ARSG: variants seen among roughly 807,000 people sequenced by gnomAD.
The protein encoded by ARSG is arylsulfatase G.
Under a neutral mutation model 50.5 loss-of-function variants are expected in ARSG, and 37 were observed. The ratio of observed to expected loss-of-function variants is 0.73; its 90% CI spans 0.56 to 0.96. The LOEUF is 0.96. Ranked by LOEUF, ARSG falls within the 50% of genes least tolerant of loss-of-function variation. The pLI is 0.00. For missense variants in ARSG, 629 were observed against 675.3 expected, an observed-to-expected ratio of 0.93 and a Z score of 0.76; for synonymous variants, 225 against 254.6, an observed-to-expected ratio of 0.88 and a Z score of 1.11.
At chr17:68,296,550 C>T (rs782684089) in intron 1 of ARSG, among the ~76,000 whole-genome samples, 3 of 148,126 alleles carry the variant, frequency 2.0e-5, no homozygotes, top group Admixed American at 1.3e-4. Context: ...GGAGGGGCCC[C>T]GCCCTGCTGT....
chr17:68,420,103 A>C, intron 11 of ARSG, 86 bp from the exon 12 acceptor site: 1 of 1,455,268 alleles, frequency 6.9e-7, no homozygotes. Flanking sequence ...TGTTTGAATT[A>C]ATGTAGAATC....
At chr17:68,312,362 G>A (rs2076895772) in intron 2 of ARSG, among the ~76,000 whole-genome samples, 1 of 152,218 alleles carries the variant, frequency 6.6e-6, no homozygotes. Flanking sequence ...CTTTTCTGGG[G>A]AGAGAGTTCA....
At chr17:68,352,101 GA>G (rs2078801384) in intron 5 of ARSG, among the ~76,000 whole-genome samples, 2 of 129,912 alleles carry the variant, frequency 1.5e-5, no homozygotes, top group Admixed American at 8.4e-5. Flanking sequence ...GAGAGAGAGA[GA>G]GAGAGAGAGA....
downstream of ARSG, among the ~76,000 whole-genome samples, chr17:68,426,777 C>T (rs751184075): frequency 2.0e-5 from 3 of 152,186 alleles, no homozygotes; most frequent in African/African-American, 4.8e-5. Context: ...TCCAGTGATC[C>T]GCTGGCCTCA....
At chr17:68,299,577 G>C (rs1370175443) in intron 1 of ARSG, among the ~76,000 whole-genome samples, 1 of 151,826 alleles carries the variant, frequency 6.6e-6, no homozygotes, top group Non-Finnish European at 1.5e-5. Context: ...TTTCAATAGA[G>C]GATACAATCA....
In ARSG at chr17:68,420,508, C is replaced by G; in HGVS notation, c.*45C>G. On this transcript the variant is annotated 3_prime_UTR_variant, in exon 12 of 12. Coordinates refer to ENST00000621439, the MANE Select transcript of ARSG (RefSeq NM_001267727.2). The stretch of plus-strand genomic sequence containing the variant: ...CGAGGAGGAGTACCTGGAAATTAGG[C>G]AAGTTTGCTTCCAAATTTCATTTTT... The G allele has an allele frequency of 7.6e-6, 12 of 1,581,516 alleles. No individual in the cohort carries two copies. Among genetic ancestry groups the G allele is most frequent in the Non-Finnish European group, 1.0e-5 (12 of 1,158,418 alleles).
intron 2 of ARSG, among the ~76,000 whole-genome samples, chr17:68,317,611 C>T (rs1555769005): frequency 6.6e-6 from 1 of 152,102 alleles, no homozygotes; most frequent in African/African-American, 2.4e-5. Flanking sequence ...TCGCACATGT[C>T]AGTAGGTTAA....
chr17:68,300,824 A>G (rs1033966075), intron 1 of ARSG, among the ~76,000 whole-genome samples: 18 of 151,830 alleles, frequency 1.2e-4, no homozygotes, highest in African/African-American at 4.1e-4. Context: ...ATATTGCCCG[A>G]AACAGTGTCT....
chr17:68,286,546 CT>C (rs2145177214), upstream of ARSG, among the ~76,000 whole-genome samples: 1 of 152,246 alleles, frequency 6.6e-6, no homozygotes, highest in East Asian at 1.9e-4. Flanking sequence ...GCTATGTCAC[CT>C]AGGCTGAAGT....
chr17:68,334,765 G>C (rs1040341464), intron 2 of ARSG, among the ~76,000 whole-genome samples: 6 of 152,094 alleles, frequency 3.9e-5, no homozygotes, highest in African/African-American at 1.4e-4. Context: ...GCAACGTGAT[G>C]GTCTCTGGGT....
intron 1 of ARSG, among the ~76,000 whole-genome samples, chr17:68,278,617 C>CTTTT (rs56870988): frequency 2.7e-5 from 3 of 111,980 alleles, no homozygotes; most frequent in African/African-American, 7.5e-5. Flanking sequence ...TTTCTTTTTC[C>CTTTT]TTTTTTTTTT....
chr17:68,344,741 T>C (rs2078430263), intron 3 of ARSG, among the ~76,000 whole-genome samples: 1 of 152,194 alleles, frequency 6.6e-6, no homozygotes, highest in Non-Finnish European at 1.5e-5. Context: ...AGTCTAACTC[T>C]CAAAGAGCTG....
At chr17:68,280,720 TG>T (rs1325982730) in intron 1 of ARSG, among the ~76,000 whole-genome samples, 1 of 152,176 alleles carries the variant, frequency 6.6e-6, no homozygotes, top group Non-Finnish European at 1.5e-5. Flanking sequence ...TTAGGACATT[TG>T]TCTGAGGAAA....
At chr17:68,392,518 G>C (rs1417821355) in intron 9 of ARSG, among the ~76,000 whole-genome samples, 2 of 151,820 alleles carry the variant, frequency 1.3e-5, no homozygotes, top group Non-Finnish European at 2.9e-5. Context: ...TTTATTTTTG[G>C]AGACAGAGTC....
chr17:68,402,281 G>C (rs1343025306), intron 11 of ARSG, among the ~76,000 whole-genome samples: 1 of 152,060 alleles, frequency 6.6e-6, no homozygotes, highest in African/African-American at 2.4e-5. Context: ...GTCTCGCTCT[G>C]TCGCCCAGGA....
At chr17:68,289,920 T>A (rs781901795), upstream of ARSG, among the ~76,000 whole-genome samples, 1 of 152,194 alleles carries the variant, frequency 6.6e-6, no homozygotes, top group Non-Finnish European at 1.5e-5. Context: ...CTTCCCTTAA[T>A]TATGAGAAGA....
chr17:68,392,730 C>T (rs1048037143), intron 9 of ARSG, among the ~76,000 whole-genome samples: 2 of 152,168 alleles, frequency 1.3e-5, no homozygotes, highest in African/African-American at 4.8e-5. Flanking sequence ...AAACTTCTGA[C>T]CTCAGGTGAT....
chr17:68,316,538 G>T (rs1050971942), intron 2 of ARSG, among the ~76,000 whole-genome samples: 1 of 152,180 alleles, frequency 6.6e-6, no homozygotes, highest in African/African-American at 2.4e-5. Flanking sequence ...GCACACATGG[G>T]TTGACCCGAG....
downstream of ARSG, chr17:68,427,321 A>G (rs2083262461): frequency 2.4e-6 from 3 of 1,224,896 alleles, no homozygotes; most frequent in Middle Eastern, 1.9e-4. Flanking sequence ...CACCTTCCAA[A>G]GGAAAAGCAT....
Sources: gnomAD v4.1 joint callset for allele counts (sites outside exome capture counted in the v4.1 genomes callset) on GRCh38, gnomAD v4.1.1 for gene constraint, MANE v1.5 for transcripts, NCBI Gene and HGNC (gene_info 2026-07-23, HGNC 2026-07-21) for gene names.